Variants in DNAH9 observed in about 807,000 individuals in gnomAD.
DNAH9 encodes DNAH9 variant protein.
Under a neutral mutation model 471.6 loss-of-function variants are expected in DNAH9, and 345 were observed. The ratio of observed to expected loss-of-function variants is 0.73; its 90% CI spans 0.67 to 0.80. DNAH9 has a LOEUF of 0.80. DNAH9 is among the 30% of genes least tolerant of loss of function. The pLI is 0.00. For missense variants in DNAH9, 5,407 were observed against 5,609.2 expected, an observed-to-expected ratio of 0.96 and a Z score of 1.15; for synonymous variants, 2,093 against 2,123.6, an observed-to-expected ratio of 0.99 and a Z score of 0.40.
intron 29 of DNAH9, among the ~76,000 whole-genome samples, chr17:11,740,912 G>A (rs2075423298): frequency 1.3e-5 from 2 of 152,100 alleles, no homozygotes; most frequent in African/African-American, 2.4e-5. Flanking sequence ...TGCAACAGTA[G>A]CGCATTTCTT....
intron 2 of DNAH9, 22 bp from the exon 3 acceptor site, chr17:11,610,374 G>A (rs1416474824): frequency 6.2e-7 from 1 of 1,604,294 alleles, no homozygotes; most frequent in Non-Finnish European, 8.5e-7. Context: ...TGTTATCATT[G>A]TTGTTGTTTT....
At chr17:11,699,322 G>T (rs1254777726) in intron 22 of DNAH9, among the ~76,000 whole-genome samples, 1 of 152,174 alleles carries the variant, frequency 6.6e-6, no homozygotes, top group African/African-American at 2.4e-5. Context: ...TGACTCACCA[G>T]ATTCAATGTA....
intron 49 of DNAH9, among the ~76,000 whole-genome samples, chr17:11,844,778 T>C (rs917425403): frequency 2.7e-4 from 41 of 152,162 alleles, no homozygotes; most frequent in African/African-American, 9.4e-4. Flanking sequence ...GATAAACTTG[T>C]GTCATGAAGG....
intron 6 of DNAH9, among the ~76,000 whole-genome samples, chr17:11,622,256 C>A (rs1038105535): frequency 2.0e-5 from 3 of 152,124 alleles, no homozygotes; most frequent in Admixed American, 1.3e-4. Flanking sequence ...AGAGAAAATG[C>A]GTGAGAGAGA....
chr17:11,883,223 T>C (rs1359805962), intron 55 of DNAH9: 19 of 1,005,190 alleles, frequency 1.9e-5, no homozygotes, highest in Non-Finnish European at 2.1e-5. Context: ...TAGAGAGAAC[T>C]CTCCAGAGAA....
At chr17:11,881,437 T>C in intron 55 of DNAH9, 24 bp downstream of exon 55, 1 of 1,600,974 alleles carries the variant, frequency 6.2e-7, no homozygotes, top group Non-Finnish European at 8.5e-7. Context: ...GGAGAAAATG[T>C]TCTGCCACTA....
At chr17:11,794,121 T>G (rs1050543397) in intron 42 of DNAH9, among the ~76,000 whole-genome samples, 1 of 144,210 alleles carries the variant, frequency 6.9e-6, no homozygotes, top group Non-Finnish European at 1.5e-5. Context: ...CTCGGCTCAC[T>G]GCAAGCTCCG....
intron 17 of DNAH9, among the ~76,000 whole-genome samples, chr17:11,679,442 C>T (rs527351293): frequency 8.8e-4 from 134 of 152,328 alleles, no homozygotes; most frequent in African/African-American, 2.8e-3. Flanking sequence ...ATTTTGAGTG[C>T]GCTCAGAGAA....
At chr17:11,887,312 T>C (rs1467762196) in intron 57 of DNAH9, among the ~76,000 whole-genome samples, 1 of 152,150 alleles carries the variant, frequency 6.6e-6, no homozygotes, top group Non-Finnish European at 1.5e-5. Context: ...CCAAAGAGCT[T>C]AAAATATAAT....
At position 11,694,700 on chromosome 17, in the gene DNAH9, T is replaced by TTCTCGCTTTC. The variant is rs1567724820; in HGVS notation, c.4872+257_4872+258insGCTTTCTCTC. Among the ~76,000 whole-genome samples, 9 of 2,280 alleles carry TTCTCGCTTTC rather than the reference T, an allele frequency of 3.9e-3. 2 individuals are homozygous for TTCTCGCTTTC. Among genetic ancestry groups the TTCTCGCTTTC allele is most frequent in the African/African-American group, 4.3e-3 (9 of 2,074 alleles). 1.5% of individuals were successfully genotyped at this position (2,280 alleles called of 152,430 possible). ...TTTCTCGCTTTCTCGCTTTCTCGCT[T>TTCTCGCTTTC]TCTCTCTCTCTCTCTCTCTCTCTCT... On this transcript the variant is annotated intron_variant, in intron 22 of 68. Coordinates refer to ENST00000262442, the MANE Select transcript of DNAH9 (RefSeq NM_001372.4).
At position 11,937,074 on chromosome 17, in the gene DNAH9, T is replaced by C. The variant is rs1974735955; in HGVS notation, c.12490-278T>C. Among the ~76,000 whole-genome samples the C allele has an allele frequency of 6.6e-6, 1 of 152,094 alleles. No homozygotes were observed. Among genetic ancestry groups the C allele is most frequent in the Non-Finnish European group, 1.5e-5 (1 of 68,020 alleles). Reference sequence around the variant, plus strand: ...AGTCATCAGGGAGGAGTGGGAGGCATTGGGTGTGGAGATAGATAAAGTCAT... The same window carrying C: ...AGTCATCAGGGAGGAGTGGGAGGCACTGGGTGTGGAGATAGATAAAGTCAT... On this transcript the variant is annotated intron_variant, in intron 65 of 68. Transcript: ENST00000262442. The surrounding 1 kb of genome is among the most constrained non-coding windows in gnomAD (Gnocchi z 4.1).
In DNAH9 at chr17:11,951,779, C is replaced by T. The variant is rs116103833; in HGVS notation, c.12843+9294C>T. 3.2e-3 allele frequency among the ~76,000 whole-genome samples: 492 copies of T among 151,970 alleles called. 4 individuals carry two copies. The highest frequency in any genetic ancestry group is 0.011 in the African/African-American group (468 of 41,436). On this transcript the variant is annotated intron_variant, in intron 67 of 68. Coordinates refer to ENST00000262442, the MANE Select transcript of DNAH9 (RefSeq NM_001372.4). ...CTCTACTAAATATACAAAACTCAGC[C>T]GGGCTTGGTGGCAGCTGCCTGTAAT...
Position 11,821,929 on chromosome 17 carries a change from C to T in DNAH9, c.8717C>T (p.Pro2906Leu), listed in dbSNP as rs1162853120. Residue 2906 changes from proline to leucine, a missense_variant, in exon 46 of 69, where the codon CCA becomes CTA. By Grantham distance (98) the Pro-to-Leu change is moderately conservative. This residue lies in a region of DNAH9 where 4,636 missense variants were observed against 4,900.3 expected (regional missense o/e 0.95). Transcript: ENST00000262442. Reference protein sequence around the residue: ...INDLLASGEIPDLYSDDEVEN... With the variant: ...INDLLASGEILDLYSDDEVEN... The stretch of plus-strand genomic sequence containing the variant: ...CTCCATTTTTTCCCAGGGGAGATCC[C>T]AGATCTCTACTCTGATGATGAAGTT... The T allele has an allele frequency of 6.2e-7, 1 of 1,611,596 alleles. No individual in the cohort carries two copies. The highest frequency in any genetic ancestry group is 8.5e-7 in the Non-Finnish European group (1 of 1,179,256).
At position 11,881,276 on chromosome 17, in the gene DNAH9, C is replaced by G. The variant is rs755150580; in HGVS notation, c.10669C>G (p.Leu3557Val). ...GTTCCGGCTCATCCTCCACACCAAG[C>G]TGGCTAATCCTCACTACCAGCCTGA... ...PKFRLILHTK[L>V]ANPHYQPELQ... is the part of the protein sequence containing the mutation. The change falls in exon 55 of 69, where the codon CTG (leucine) becomes GTG (valine). Residue 3557 changes from leucine (L) to valine (V), a missense_variant. By Grantham distance (32) the Leu-to-Val change is conservative. Transcript: ENST00000262442. 1.2e-6 allele frequency: 2 copies of G among 1,614,204 alleles called. No individual in the cohort carries two copies. The highest frequency in any genetic ancestry group is 1.7e-6 in the Non-Finnish European group (2 of 1,180,040).
intron 4 of DNAH9, among the ~76,000 whole-genome samples, chr17:11,613,574 C>T (rs7217071): frequency 0.053 from 8,054 of 152,232 alleles, 657 homozygotes; most frequent in African/African-American, 0.18. Flanking sequence ...CACCGCACTC[C>T]AGCCTAGTGA....
At chr17:11,723,528 G>C (rs1300070821) in intron 27 of DNAH9, 2 of 152,092 alleles carry the variant, frequency 1.3e-5, no homozygotes, top group African/African-American at 4.8e-5. Context: ...ACAGGCCCTG[G>C]GGTGGGGGGG....
chr17:11,962,019 G>C lies in DNAH9; in HGVS notation c.12996G>C (p.Glu4332Asp). 1 of 1,614,192 alleles carries C rather than the reference G, an allele frequency of 6.2e-7. No individual in the cohort carries two copies. Among genetic ancestry groups the C allele is most frequent in the Non-Finnish European group, 8.5e-7 (1 of 1,180,034 alleles). The stretch of plus-strand genomic sequence containing the variant: ...TCCTCAACAGAATCAAGGAGCTAGA[G>C]GCTTGGACGGGTGACTTTACAATGC... The part of the protein sequence containing the change: ...PDLLNRIKEL[E>D]AWTGDFTMPS... The change falls in exon 68 of 69, where the codon GAG (glutamate) becomes GAC (aspartate). Residue 4332 changes from glutamate to aspartate, a missense_variant. Physicochemically the swap from Glu to Asp is conservative, Grantham distance 45. Coordinates refer to ENST00000262442, the MANE Select transcript of DNAH9 (RefSeq NM_001372.4). This position sits in a 1 kb window ranked among gnomAD's most constrained non-coding sequence, Gnocchi z 4.1.
chr17:11,660,759 G>C (rs1305936129), intron 14 of DNAH9, among the ~76,000 whole-genome samples: 5 of 152,142 alleles, frequency 3.3e-5, no homozygotes, highest in Non-Finnish European at 7.4e-5. Context: ...TACTCTGTAA[G>C]CTTTCAGTCT....
intron 22 of DNAH9, among the ~76,000 whole-genome samples, chr17:11,696,166 CACATTT>C: frequency 6.6e-6 from 1 of 152,242 alleles, no homozygotes; most frequent in South Asian, 2.1e-4. Context: ...TAAGCAAATG[CACATTT>C]ACATTCATGC....
Sources: allele counts gnomAD v4.1 joint callset (sites outside exome capture counted in the v4.1 genomes callset), GRCh38; gene constraint gnomAD v4.1.1; regional missense constraint gnomAD v4.1.1; non-coding constraint Gnocchi (gnomAD v3.1); transcripts MANE v1.5; gene names NCBI Gene and HGNC (gene_info 2026-07-23, HGNC 2026-07-21).